PIAS4: variants seen among roughly 807,000 people sequenced by gnomAD.
PIAS4 encodes E3 SUMO-protein ligase PIAS4.
In PIAS4, 7 loss-of-function variants were observed where a neutral mutation model predicts 58.0. That is an observed-to-expected ratio of 0.12 (90% confidence interval 0.07 to 0.23). The LOEUF (loss-of-function observed/expected upper bound fraction) is 0.23. Ranked by LOEUF, PIAS4 falls within the 10% of genes least tolerant of loss-of-function variation. The pLI is 1.00. For synonymous variants in PIAS4, 364 were observed against 312.4 expected (o/e 1.17, Z -1.74); for missense variants, 550 against 709.5 (o/e 0.78, Z 2.55).
intron 8 of PIAS4, 118 bp from the exon 9 acceptor site, chr19:4,033,302 C>T: frequency 7.5e-7 from 1 of 1,331,554 alleles, no homozygotes. Context: ...TCGTCCCCTC[C>T]GTGTTCCTGA....
At chr19:4,017,085 G>T (rs1049208968) in intron 2 of PIAS4, among the ~76,000 whole-genome samples, 1 of 152,186 alleles carries the variant, frequency 6.6e-6, no homozygotes, top group Non-Finnish European at 1.5e-5. Flanking sequence ...GGCACGGAGC[G>T]TCCTGTGTCA....
intron 4 of PIAS4, 96 bp downstream of exon 4, chr19:4,028,283 C>T (rs1212229577): frequency 1.7e-5 from 18 of 1,068,544 alleles, no homozygotes; most frequent in Non-Finnish European, 2.5e-5. Context: ...TCAGTCTCCC[C>T]TGCTAACAGC....
intron 1 of PIAS4, among the ~76,000 whole-genome samples, chr19:4,010,837 C>T (rs1458780766): frequency 6.6e-6 from 1 of 152,222 alleles, no homozygotes; most frequent in Non-Finnish European, 1.5e-5. Context: ...GTCACGGGGC[C>T]CCGCAGCCCT....
chr19:4,009,571 C>T (rs2039974150), intron 1 of PIAS4, among the ~76,000 whole-genome samples: 1 of 151,716 alleles, frequency 6.6e-6, no homozygotes, highest in South Asian at 2.1e-4. Context: ...TGGGCCCCCC[C>T]CCACCCCAAT....
chr19:4,031,373 T>A (rs1599230376), intron 7 of PIAS4, among the ~76,000 whole-genome samples: 1 of 151,888 alleles, frequency 6.6e-6, no homozygotes, highest in African/African-American at 2.4e-5. Context: ...CTCCACGGAG[T>A]CCGGCATCCT....
At chr19:4,011,628 G>C (rs1323273150) in intron 1 of PIAS4, among the ~76,000 whole-genome samples, 1 of 151,960 alleles carries the variant, frequency 6.6e-6, no homozygotes, top group African/African-American at 2.4e-5. Context: ...AGGGCAACGT[G>C]TGGAGGTGTG....
chr19:4,031,665 G>A (rs2040223832), intron 7 of PIAS4, among the ~76,000 whole-genome samples: 1 of 152,176 alleles, frequency 6.6e-6, no homozygotes, highest in African/African-American at 2.4e-5. Flanking sequence ...AGCCCGCAGT[G>A]CTGGGGGCTG....
rs2144949543 is a variant in PIAS4, at chr19:4,037,625, A to G, written c.1283A>G (p.Asp428Gly). 6.2e-7 allele frequency: 1 copy of G among 1,610,686 alleles called. No individual in the cohort carries two copies. The highest frequency in any genetic ancestry group is 1.3e-5 in the African/African-American group (1 of 75,026). ...QGAILVLGPS[D>G]ANGLLPAPSV... ...TCCCTGTTGCCCGTAGGCCCCTCGG[A>G]CGCCAATGGGCTCCTGCCCGCCCCC... The change falls in exon 11 of 11, where the codon GAC becomes GGC. Residue 428 changes from aspartate (D) to glycine (G), a missense_variant. Asp to Gly is a moderately conservative substitution (Grantham distance 94). This residue lies in a region of PIAS4 where 188 missense variants were observed against 192.0 expected (regional missense o/e 0.98). Coordinates refer to ENST00000262971, the MANE Select transcript of PIAS4 (RefSeq NM_015897.4). The surrounding 1 kb of genome is among the most constrained non-coding windows in gnomAD (Gnocchi z 5.8).
chr19:4,017,455 T>A (rs574532369), intron 2 of PIAS4, among the ~76,000 whole-genome samples: 16 of 152,278 alleles, frequency 1.1e-4, no homozygotes, highest in African/African-American at 3.8e-4. Context: ...CAGGGGCACC[T>A]GTTCCCCGCC....
chr19:4,029,620 G>A (rs1458382042), intron 7 of PIAS4, among the ~76,000 whole-genome samples: 10 of 151,446 alleles, frequency 6.6e-5, no homozygotes, highest in African/African-American at 2.4e-4. Flanking sequence ...AGACTGCATC[G>A]CTGCACTCCA....
In PIAS4 at chr19:4,037,564, T is replaced by C; in HGVS notation, c.1274-52T>C. The C allele has an allele frequency of 6.2e-7, 1 of 1,607,444 alleles. No individual in the cohort carries two copies. The highest frequency in any genetic ancestry group is 8.5e-7 in the Non-Finnish European group (1 of 1,179,718). The stretch of plus-strand genomic sequence containing the variant: ...AGCCAGGGCCGCCTCAGTTTCCCCA[T>C]TTATCAGTGGTTGCATCCTAAGTAC... On this transcript the variant is annotated intron_variant, in intron 10 of 10. Coordinates refer to ENST00000262971, the MANE Select transcript of PIAS4 (RefSeq NM_015897.4). The surrounding 1 kb of genome is among the most constrained non-coding windows in gnomAD (Gnocchi z 5.8).
chr19:4,035,368 C>T (rs1408659355), intron 9 of PIAS4, among the ~76,000 whole-genome samples: 1 of 152,164 alleles, frequency 6.6e-6, no homozygotes, highest in African/African-American at 2.4e-5. Context: ...CTTTCCCTTC[C>T]TGCGGGTGGG....
At chr19:4,020,472 G>C (rs1242263242) in intron 2 of PIAS4, among the ~76,000 whole-genome samples, 1 of 150,254 alleles carries the variant, frequency 6.7e-6, no homozygotes, top group Admixed American at 6.6e-5. Context: ...CCACTGCAAG[G>C]CTGCCATTGT....
chr19:4,039,264 G>A lies in PIAS4; in HGVS notation c.*1389G>A, dbSNP rs1361472148. 1.3e-5 allele frequency: 2 copies of A among 152,284 alleles called. No individual in the cohort carries two copies. Among genetic ancestry groups the A allele is most frequent in the Non-Finnish European group, 2.9e-5 (2 of 68,062 alleles). 9.4% of individuals were successfully genotyped at this position (152,284 alleles called of 1,614,324 possible). ...GTTCAGTCTCACTGCAGAGCCCGCA[G>A]CCCGCTGCGCAGCTCGGCCCCTCCC... On this transcript the variant is annotated 3_prime_UTR_variant, in exon 11 of 11. Coordinates refer to ENST00000262971, the MANE Select transcript of PIAS4 (RefSeq NM_015897.4).
At chr19:4,011,096 G>T (rs1287298180) in intron 1 of PIAS4, among the ~76,000 whole-genome samples, 1 of 152,356 alleles carries the variant, frequency 6.6e-6, no homozygotes, top group South Asian at 2.1e-4. Context: ...AAACCTCAGC[G>T]CCTCCTGGCA....
chr19:4,031,262 C>T (rs1019569015), intron 7 of PIAS4, among the ~76,000 whole-genome samples: 1 of 152,106 alleles, frequency 6.6e-6, no homozygotes, highest in Non-Finnish European at 1.5e-5. Flanking sequence ...GCCTGCGAGC[C>T]CCATCGTGTT....
Position 4,012,914 on chromosome 19 carries a change from C to T in PIAS4, c.28-9C>T, listed in dbSNP as rs1365456978. Reference sequence around the variant, plus strand: ...TCCTCTGAGTGTGTGTGTGCTTGCTCCTCCTCAGAACATGGTGATGAGTTT... The same window carrying T: ...TCCTCTGAGTGTGTGTGTGCTTGCTTCTCCTCAGAACATGGTGATGAGTTT... On this transcript the variant is annotated splice_polypyrimidine_tract_variant and intron_variant, in intron 1 of 10. Coordinates refer to ENST00000262971, the MANE Select transcript of PIAS4 (RefSeq NM_015897.4). 1.2e-6 allele frequency: 2 copies of T among 1,604,998 alleles called. No individual in the cohort carries two copies. The highest frequency in any genetic ancestry group is 1.7e-6 in the Non-Finnish European group (2 of 1,173,762).
At chr19:4,014,592 C>T (rs931590172) in intron 2 of PIAS4, among the ~76,000 whole-genome samples, 9 of 152,198 alleles carry the variant, frequency 5.9e-5, no homozygotes, top group South Asian at 2.1e-4. Context: ...CAGTAAACAT[C>T]GGAGCGCCTG....
chr19:4,033,708 C>A, intron 9 of PIAS4, 128 bp downstream of exon 9: 2 of 788,206 alleles, frequency 2.5e-6, no homozygotes, highest in African/African-American at 1.7e-5. Context: ...GGTCCTGGAG[C>A]TTTGGAAACC....
Sources: allele counts gnomAD v4.1 joint callset (sites outside exome capture counted in the v4.1 genomes callset), GRCh38; gene constraint gnomAD v4.1.1; regional missense constraint gnomAD v4.1.1; non-coding constraint Gnocchi (gnomAD v3.1); transcripts MANE v1.5; gene names NCBI Gene and HGNC (gene_info 2026-07-23, HGNC 2026-07-21).